The following ING4 variants were observed in gnomAD, a reference collection of about 807,000 sequenced individuals.
The protein encoded by ING4 is inhibitor of growth family member 4, also known as inhibitor of growth protein 4.
ING4 carries 28 observed loss-of-function variants against 33.1 expected under a neutral mutation model. That is an observed-to-expected ratio of 0.85 (90% CI 0.63 to 1.16). ING4 has a LOEUF of 1.16. Among genes scored for constraint, ING4 ranks in the 50% most tolerant of loss-of-function variants. The pLI, the probability that ING4 is intolerant of heterozygous loss-of-function variation, is 0.00. For synonymous variants in ING4, 87 were observed against 104.4 expected (o/e 0.83, Z 1.02); for missense variants, 247 against 314.7 (o/e 0.78, Z 1.63).
chr12:6,657,515 T>G (rs1949398007), intron 1 of ING4, among the ~76,000 whole-genome samples: 1 of 152,188 alleles, frequency 6.6e-6, no homozygotes, highest in Non-Finnish European at 1.5e-5. Context: ...ACCTCTGGAT[T>G]TATCTGTGAC....
intron 1 of ING4, among the ~76,000 whole-genome samples, chr12:6,660,574 C>T (rs1344762974): frequency 1.3e-5 from 2 of 151,964 alleles, no homozygotes; most frequent in African/African-American, 4.8e-5. Context: ...CACCATTGCG[C>T]TCCAGCCTGG....
chr12:6,652,594 C>G, intron 5 of ING4, 68 bp downstream of exon 5: 2 of 1,470,382 alleles, frequency 1.4e-6, no homozygotes, highest in Non-Finnish European at 1.9e-6. Context: ...GGGGGCGGTG[C>G]AGGCTGGGAG....
intron 6 of ING4, 78 bp from the exon 7 acceptor site, chr12:6,651,463 G>A: frequency 8.2e-7 from 1 of 1,221,488 alleles, no homozygotes; most frequent in Admixed American, 1.7e-5. Context: ...GATTCCTTAG[G>A]AACATCCTGT....
chr12:6,661,517 G>A (rs906523355), intron 1 of ING4, among the ~76,000 whole-genome samples: 1 of 151,164 alleles, frequency 6.6e-6, no homozygotes, highest in East Asian at 1.9e-4. Flanking sequence ...CACCTGCTGG[G>A]TTCAAGTGAT....
intron 1 of ING4, among the ~76,000 whole-genome samples, chr12:6,660,871 C>T (rs2136283954): frequency 6.6e-6 from 1 of 152,296 alleles, no homozygotes; most frequent in South Asian, 2.1e-4. Context: ...GGCTGGAGTG[C>T]AATGGCGCAA....
In ING4 at chr12:6,653,476, C is replaced by T. The variant is rs925293853; in HGVS notation, c.110-80G>A. ...ACATTTCTTCCTTTTGTTCTTTGGA[C>T]CTTTTCCATTGATTAGCATAACCTT... On this transcript the variant is annotated intron_variant, in intron 2 of 7. Transcript: ENST00000341550. 2.9e-6 allele frequency: 4 copies of T among 1,370,346 alleles called. No homozygotes were observed. In the African/African-American group the frequency reaches 5.8e-5, roughly 20 times the overall value. The allele number at this position is 1,370,346 out of a possible 1,614,324, so 84.9% of individuals were successfully genotyped here.
chr12:6,652,935 C>A lies in ING4; in HGVS notation c.391+1G>T. 1 of 1,612,824 alleles carries A rather than the reference C, an allele frequency of 6.2e-7. No individual in the cohort carries two copies. Among genetic ancestry groups the A allele is most frequent in the Non-Finnish European group, 8.5e-7 (1 of 1,178,908 alleles). On this transcript the variant is annotated splice_donor_variant, in intron 4 of 7. Coordinates refer to ENST00000341550, the MANE Select transcript of ING4 (RefSeq NM_016162.4). LOFTEE classifies it high-confidence loss of function. ...CTCTCACAGCCCCGCCCCCTCCTCA[C>A]TCTTTTTGCCTTTGCTGGAAGAGCT...
At chr12:6,655,642 C>A (rs79942815) in intron 2 of ING4, 14 of 1,143,106 alleles carry the variant, frequency 1.2e-5, no homozygotes, top group African/African-American at 6.6e-5. Flanking sequence ...TCTCACCATT[C>A]GGCAGGCAGT....
intron 1 of ING4, among the ~76,000 whole-genome samples, chr12:6,662,575 G>A (rs572817082): frequency 9.2e-5 from 14 of 152,256 alleles, no homozygotes; most frequent in African/African-American, 3.4e-4. Context: ...TTCATTTGAT[G>A]GGAATTAGAT....
intron 4 of ING4, 47 bp downstream of exon 4, chr12:6,652,889 C>T: frequency 6.4e-7 from 1 of 1,566,302 alleles, no homozygotes; most frequent in Non-Finnish European, 8.8e-7. Flanking sequence ...GACTTCTTCT[C>T]CCTTTCAGTC....
At chr12:6,662,489 C>G (rs966497734) in intron 1 of ING4, among the ~76,000 whole-genome samples, 1 of 152,144 alleles carries the variant, frequency 6.6e-6, no homozygotes, top group Admixed American at 6.5e-5. Context: ...ACTCCGGGCC[C>G]TAAAACAAAT....
chr12:6,653,541 T>C (rs1949252943), intron 2 of ING4, 145 bp from the exon 3 acceptor site: 1 of 767,100 alleles, frequency 1.3e-6, no homozygotes, highest in South Asian at 1.9e-5. Context: ...TACTGTGCCA[T>C]GCACTCAAGT....
At chr12:6,661,413 T>G (rs1301872232) in intron 1 of ING4, among the ~76,000 whole-genome samples, 1 of 133,114 alleles carries the variant, frequency 7.5e-6, no homozygotes, top group Non-Finnish European at 1.6e-5. Context: ...TTTGTTTTTT[T>G]TTTTTTTTTT....
In ING4 at chr12:6,657,362, T is replaced by C. The variant is rs776722652; in HGVS notation, c.38-564A>G. On this transcript the variant is annotated intron_variant, in intron 1 of 7. Transcript: ENST00000341550. ...TACTCAGGAGGCTGAGGCAGGAGAATGGCATGAACCTGGGAGGCGGAGTTT... is the reference window on the plus strand; with the variant it reads ...TACTCAGGAGGCTGAGGCAGGAGAACGGCATGAACCTGGGAGGCGGAGTTT... 1.4e-4 allele frequency among the ~76,000 whole-genome samples: 21 copies of C among 151,996 alleles called. 1 individual carries two copies. Among genetic ancestry groups the C allele is most frequent in the African/African-American group, 4.3e-4 (18 of 41,480 alleles).
At chr12:6,654,178 T>C (rs1316290454) in intron 2 of ING4, among the ~76,000 whole-genome samples, 2 of 152,096 alleles carry the variant, frequency 1.3e-5, no homozygotes, top group African/African-American at 4.8e-5. Context: ...TTCTCTCTTA[T>C]GTTTGTTGCC....
chr12:6,656,379 T>C, intron 2 of ING4: 1 of 239,648 alleles, frequency 4.2e-6, no homozygotes, highest in Non-Finnish European at 8.1e-6. Flanking sequence ...TTTCACCATG[T>C]GGCCAGGCTG....
chr12:6,656,003 C>T (rs1368622143), intron 2 of ING4: 2 of 440,476 alleles, frequency 4.5e-6, no homozygotes, highest in African/African-American at 2.0e-5. Context: ...TTAAGGACTT[C>T]TCATATAGCA....
intron 1 of ING4, among the ~76,000 whole-genome samples, chr12:6,658,049 TC>T (rs1350023357): frequency 3.3e-5 from 5 of 150,098 alleles, no homozygotes; most frequent in Admixed American, 2.6e-4. Flanking sequence ...AGCCTCCACC[TC>T]CTGGGTTCAA....
Position 6,658,590 on chromosome 12 carries a change from G to A in ING4, c.38-1792C>T, listed in dbSNP as rs573962392. Among the ~76,000 whole-genome samples the A allele has an allele frequency of 3.3e-5, 5 of 152,198 alleles. No homozygotes were observed. In the East Asian group the frequency reaches 9.7e-4, roughly 29 times the overall value. ...AATCCCAGCTACTTGGGAGGCTGGGGCACAAAAATCCCTTGAACCTGGGAG... is the reference window on the plus strand; with the variant it reads ...AATCCCAGCTACTTGGGAGGCTGGGACACAAAAATCCCTTGAACCTGGGAG... On this transcript the variant is annotated intron_variant, in intron 1 of 7. Coordinates refer to ENST00000341550, the MANE Select transcript of ING4 (RefSeq NM_016162.4).
Sources: gnomAD v4.1 joint callset for allele counts (sites outside exome capture counted in the v4.1 genomes callset) on GRCh38, gnomAD v4.1.1 for gene constraint, MANE v1.5 for transcripts, NCBI Gene and HGNC (gene_info 2026-07-23, HGNC 2026-07-21) for gene names.